TMEM147: variants seen among roughly 807,000 people sequenced by gnomAD.
TMEM147 encodes transmembrane protein 147.
In TMEM147, 29 loss-of-function variants were observed where a neutral mutation model predicts 29.4. The observed-to-expected ratio is 0.99, with a 90% CI of 0.73 to 1.34. The LOEUF (loss-of-function observed/expected upper bound fraction) is 1.34. Among genes scored for constraint, TMEM147 ranks in the 40% most tolerant of loss-of-function variants. The pLI is 0.00. For missense variants in TMEM147, 260 were observed against 289.4 expected, an observed-to-expected ratio of 0.90 and a Z score of 0.74; for synonymous variants, 121 against 111.8, an observed-to-expected ratio of 1.08 and a Z score of -0.52.
At position 35,546,614 on chromosome 19, in the gene TMEM147, T is replaced by G. The variant is rs73928226; in HGVS notation, c.207+29T>G. ...AGAGGGGCCAGGGAAGGGAAGGGAG[T>G]TCAGGAATGGGGCTCCCTGTCCCCC... is the stretch of plus-strand genomic sequence containing the variant. On this transcript the variant is annotated intron_variant, in intron 3 of 6. Transcript: ENST00000222284. The G allele has an allele frequency of 6.2e-6, 10 of 1,610,024 alleles. No individual in the cohort carries two copies. In the Admixed American group the frequency reaches 1.7e-4, roughly 27 times the overall value.
intron 2 of TMEM147, 175 bp from the exon 3 acceptor site, chr19:35,546,351 C>A: frequency 1.4e-6 from 1 of 731,042 alleles, no homozygotes; most frequent in East Asian, 2.7e-5. Flanking sequence ...ACCCGGGGAC[C>A]TATCCTCTAT....
chr19:35,545,632 G>T lies in TMEM147; in HGVS notation c.-108G>T. ...TCGCGCGCGGGCCCCCGCCAGTCAG[G>T]TGGGTGCCAGGCCCTGGCCGTGGCG... On this transcript the variant is annotated 5_prime_UTR_variant, in exon 1 of 7. Transcript: ENST00000222284. 3 of 1,248,454 alleles carry T rather than the reference G, an allele frequency of 2.4e-6. No homozygotes were observed. Among genetic ancestry groups the T allele is most frequent in the Non-Finnish European group, 3.3e-6 (3 of 919,736 alleles). The allele number at this position is 1,248,454 out of a possible 1,614,324, so 77.3% of individuals were successfully genotyped here.
rs766144237 is a variant in TMEM147 at position 35,547,346 on chromosome 19, C to T, written c.574C>T (p.Leu192=). The T allele has an allele frequency of 6.2e-6, 10 of 1,613,896 alleles. No homozygotes were observed. The highest frequency in any genetic ancestry group is 8.5e-6 in the Non-Finnish European group (10 of 1,180,030). Residue 192 remains leucine, a synonymous_variant, in exon 7 of 7, where the codon CTG becomes TTG. Transcript: ENST00000222284. The part of the protein sequence containing the change: ...VMETFVHLCS[L]GSWAALLARA... ...CAGGACCTTCGTCCACCTCTGCTCG[C>T]TGGGCAGTTGGGCAGCTCTACTGGC...
intron 2 of TMEM147, 92 bp from the exon 3 acceptor site, chr19:35,546,434 C>T: frequency 6.9e-7 from 1 of 1,458,048 alleles, no homozygotes; most frequent in Non-Finnish European, 9.3e-7. Flanking sequence ...CCTGTCCTGC[C>T]CTCTTCCTAC....
chr19:35,546,098 T>C (rs2071553656), intron 2 of TMEM147, 141 bp downstream of exon 2: 3 of 943,954 alleles, frequency 3.2e-6, no homozygotes, highest in Admixed American at 4.3e-5. Context: ...TCAGGATACC[T>C]AGAGAGGATG....
chr19:35,546,208 GT>G (rs1194567222), intron 2 of TMEM147: 86 of 608,044 alleles, frequency 1.4e-4, no homozygotes, highest in Middle Eastern at 1.3e-3. Context: ...TGGCTAACAG[GT>G]TTTTTTTGGT....
rs770774697 is a variant in TMEM147 at position 35,547,430 on chromosome 19, G to T, written c.658G>T (p.Val220Phe). Residue 220 changes from valine to phenylalanine, a missense_variant, in exon 7 of 7, where the codon GTC (valine) becomes TTC (phenylalanine). Physicochemically the swap from Val to Phe is conservative, Grantham distance 50. Coordinates refer to ENST00000222284, the MANE Select transcript of TMEM147 (RefSeq NM_032635.4). ...LSTLALYVAV[V>F]NVHS ...CACTTTGGCCCTGTATGTCGCCGTT[G>T]TCAATGTGCACTCCTAGGCTTGGTG... 6.2e-7 allele frequency: 1 copy of T among 1,613,438 alleles called. No individual in the cohort carries two copies. The highest frequency in any genetic ancestry group is 8.5e-7 in the Non-Finnish European group (1 of 1,180,004).
intron 4 of TMEM147, 63 bp from the exon 5 acceptor site, chr19:35,546,882 G>A: frequency 6.2e-7 from 1 of 1,614,110 alleles, no homozygotes; most frequent in Non-Finnish European, 8.5e-7. Context: ...GGAGGGCAGG[G>A]GCTCAAAGCC....
Position 35,546,983 on chromosome 19 carries a change from TTGAC to T in TMEM147, c.386_389del (p.Asp129GlyfsTer6). 1 of 1,614,200 alleles carries T rather than the reference TTGAC, an allele frequency of 6.2e-7. No homozygotes were observed. Among genetic ancestry groups the T allele is most frequent in the Non-Finnish European group, 8.5e-7 (1 of 1,180,030 alleles). On this transcript the variant is annotated frameshift_variant, in exon 5 of 7. Coordinates refer to ENST00000222284, the MANE Select transcript of TMEM147 (RefSeq NM_032635.4). LOFTEE classifies it high-confidence loss of function. ...TGGGTCGGAGCCCGGGGCATTGAGT[TTGAC>T]TGGAAGTACATCCAGATGAGCATAG...
In TMEM147 at chr19:35,546,844, A is replaced by G. The variant is rs2071563933; in HGVS notation, c.344+36A>G. On this transcript the variant is annotated intron_variant, in intron 4 of 6. Coordinates refer to ENST00000222284, the MANE Select transcript of TMEM147 (RefSeq NM_032635.4). ...CAGCCTGGAGCCCAGACCCCTGAGA[A>G]GGGACACCTGGGTTCCACGGGGGTG... is the stretch of plus-strand genomic sequence containing the variant. 1.9e-6 allele frequency: 3 copies of G among 1,614,048 alleles called. No individual in the cohort carries two copies. The South Asian group carries it at 3.3e-5, about 18-fold the overall frequency.
At position 35,546,911 on chromosome 19, in the gene TMEM147, A is replaced by C. The variant is rs764604171; in HGVS notation, c.345-34A>C. 3.7e-6 allele frequency: 6 copies of C among 1,614,104 alleles called. No individual in the cohort carries two copies. The South Asian group carries it at 4.4e-5, about 12-fold the overall frequency. ...CAAAGCCTGGTGCTGAAGGTGTCTG[A>C]GTACTGGAGAATCCCATCCTTTGCC... On this transcript the variant is annotated intron_variant, in intron 4 of 6. Transcript: ENST00000222284.
chr19:35,546,849 C>T (rs955203479), intron 4 of TMEM147, 41 bp downstream of exon 4: 1 of 1,614,184 alleles, frequency 6.2e-7, no homozygotes, highest in East Asian at 2.2e-5. Flanking sequence ...TGAGAAGGGA[C>T]ACCTGGGTTC....
At chr19:35,546,413 G>T in intron 2 of TMEM147, 113 bp from the exon 3 acceptor site, 1 of 1,240,562 alleles carries the variant, frequency 8.1e-7, no homozygotes. Flanking sequence ...CTTCCAGATG[G>T]GCCCCCAGAA....
In TMEM147 at chr19:35,546,752, G is replaced by A. The variant is rs2071562506; in HGVS notation, c.288G>A (p.Glu96=). Residue 96 remains glutamate, a synonymous_variant, in exon 4 of 7, where the codon GAG becomes GAA. Transcript: ENST00000222284. ...TGTCCCGGAATGCCGGCAAGGGAGA[G>A]TACAAGATCATGGTTGCTGCCCTGG... The part of the protein sequence containing the change: ...LVMSRNAGKG[E]YKIMVAALGW... 3 of 1,614,218 alleles carry A rather than the reference G, an allele frequency of 1.9e-6. No individual in the cohort carries two copies. Among genetic ancestry groups the A allele is most frequent in the Non-Finnish European group, 2.5e-6 (3 of 1,180,040 alleles).
In TMEM147 at chr19:35,547,501, G is replaced by A; in HGVS notation, c.*54G>A. 1 of 1,595,954 alleles carries A rather than the reference G, an allele frequency of 6.3e-7. No homozygotes were observed. Among genetic ancestry groups the A allele is most frequent in the Non-Finnish European group, 8.5e-7 (1 of 1,170,128 alleles). On this transcript the variant is annotated 3_prime_UTR_variant, in exon 7 of 7. Coordinates refer to ENST00000222284, the MANE Select transcript of TMEM147 (RefSeq NM_032635.4). ...TTTCCCTGCCTCACTCCAGGTTTTA[G>A]TGAAGTAAACAGTATTTGGAAAGTT...
rs1342692121 is a variant in TMEM147 at position 35,547,010 on chromosome 19, T to C, written c.410T>C (p.Ile137Thr). The part of the protein sequence containing the change: ...EFDWKYIQMS[I>T]DSNISLVHYI... ...GACTGGAAGTACATCCAGATGAGCATAGACTCCAACATCAGTCTGGTAGGC... is the reference window on the plus strand; with the variant it reads ...GACTGGAAGTACATCCAGATGAGCACAGACTCCAACATCAGTCTGGTAGGC... The change falls in exon 5 of 7, where the codon ATA becomes ACA. Residue 137 changes from isoleucine to threonine, a missense_variant. Transcript: ENST00000222284. The C allele has an allele frequency of 1.2e-6, 2 of 1,614,098 alleles. No homozygotes were observed. The highest frequency in any genetic ancestry group is 8.5e-7 in the Non-Finnish European group (1 of 1,180,042).
rs754898251 is a variant in TMEM147 at position 35,546,955 on chromosome 19, C to T, written c.355C>T (p.Leu119=). ...AELIMSRCIP[L]WVGARGIEFD... ...CTTTGCCTTCCTCAGCTGCATTCCC[C>T]TATGGGTCGGAGCCCGGGGCATTGA... The change falls in exon 5 of 7, where the codon CTA becomes TTA. Residue 119 remains leucine, a synonymous_variant. Coordinates refer to ENST00000222284, the MANE Select transcript of TMEM147 (RefSeq NM_032635.4). The T allele has an allele frequency of 6.2e-7, 1 of 1,614,194 alleles. No individual in the cohort carries two copies. Among genetic ancestry groups the T allele is most frequent in the Admixed American group, 1.7e-5 (1 of 60,032 alleles).
Position 35,545,647 on chromosome 19 carries a change from T to A in TMEM147, c.-93T>A, listed in dbSNP as rs1294782171. ...CGCCAGTCAGGTGGGTGCCAGGCCC[T>A]GGCCGTGGCGAAAGAGCCGGCGGAG... On this transcript the variant is annotated 5_prime_UTR_variant, in exon 1 of 7. Transcript: ENST00000222284. 7.1e-7 allele frequency: 1 copy of A among 1,413,120 alleles called. No individual in the cohort carries two copies. The highest frequency in any genetic ancestry group is 9.6e-7 in the Non-Finnish European group (1 of 1,043,306). 87.5% of individuals were successfully genotyped at this position (1,413,120 alleles called of 1,614,324 possible).
chr19:35,546,336 C>T (rs1329313384), intron 2 of TMEM147, 190 bp from the exon 3 acceptor site: 3 of 670,364 alleles, frequency 4.5e-6, no homozygotes, highest in Non-Finnish European at 7.5e-6. Context: ...CCAGCCCCCT[C>T]GGGGACCCGG....
Sources: gnomAD v4.1 joint callset for allele counts on GRCh38, gnomAD v4.1.1 for gene constraint, MANE v1.5 for transcripts, NCBI Gene and HGNC (gene_info 2026-07-23, HGNC 2026-07-21) for gene names.